Variants in ITSN1 observed in about 807,000 individuals in gnomAD.
ITSN1 encodes the protein intersectin 1.
A neutral mutation model predicts 239.8 loss-of-function variants in ITSN1; 58 were observed. The ratio of observed to expected loss-of-function variants is 0.24; its 90% CI spans 0.20 to 0.30. ITSN1 has a LOEUF of 0.30. Ranked by LOEUF, ITSN1 falls within the 10% of genes least tolerant of loss-of-function variation. The probability of loss-of-function intolerance (pLI) is 1.00; values close to 1 mark genes in which losing one functional copy is unlikely to be tolerated. For synonymous variants in ITSN1, 780 were observed against 770.8 expected (o/e 1.01, Z -0.20); for missense variants, 1,558 against 2,103.3 (o/e 0.74, Z 5.07).
At chr21:33,793,681 T>G (rs2834262) in intron 16 of ITSN1, among the ~76,000 whole-genome samples, 25,556 of 152,238 alleles carry the variant, frequency 0.17, 2,993 homozygotes, top group African/African-American at 0.3. Flanking sequence ...ATCCAAGGTA[T>G]TCATCATCAA....
rs151199077 is a variant in ITSN1, at chr21:33,766,059, A to C, written c.926+47A>C. ...CAGGAATTGTATGCGGAGTATATGAATTCCAAACTTGGCTTTATTGACTAT... is the reference window on the plus strand; with the variant it reads ...CAGGAATTGTATGCGGAGTATATGACTTCCAAACTTGGCTTTATTGACTAT... On this transcript the variant is annotated intron_variant, in intron 10 of 39. Transcript: ENST00000381318. The C allele has an allele frequency of 4.4e-5, 70 of 1,603,480 alleles. 1 individual carries two copies. The African/African-American group carries it at 8.8e-4, about 20-fold the overall frequency.
At chr21:33,817,208 A>T in intron 22 of ITSN1, 1 of 1,285,510 alleles carries the variant, frequency 7.8e-7, no homozygotes, top group Non-Finnish European at 1.0e-6. Context: ...AAAGATAATA[A>T]ATGCCTCACC....
chr21:33,860,695 A>G (rs1241215941), intron 31 of ITSN1, among the ~76,000 whole-genome samples: 1 of 152,188 alleles, frequency 6.6e-6, no homozygotes, highest in Non-Finnish European at 1.5e-5. Flanking sequence ...AAAGTCACAC[A>G]GTAGGGTGGC....
intron 1 of ITSN1, among the ~76,000 whole-genome samples, chr21:33,703,940 T>C (rs544707313): frequency 6.6e-6 from 1 of 152,292 alleles, no homozygotes; most frequent in South Asian, 2.1e-4. Context: ...GGGCTGAGCT[T>C]CCTGCACTCC....
chr21:33,760,273 A>G (rs985155269), intron 8 of ITSN1, among the ~76,000 whole-genome samples: 16 of 152,190 alleles, frequency 1.1e-4, no homozygotes, highest in Admixed American at 6.5e-5. Context: ...CTATTTGGTT[A>G]GAAGTTAGGC....
chr21:33,828,793 T>A (rs1195971571), intron 26 of ITSN1, among the ~76,000 whole-genome samples: 1 of 152,148 alleles, frequency 6.6e-6, no homozygotes, highest in Non-Finnish European at 1.5e-5. Flanking sequence ...AAGGGTTCTG[T>A]CTCTTCATAC....
In ITSN1 at chr21:33,738,774, C is replaced by G. The variant is rs116837704; in HGVS notation, c.346+3570C>G. ...ACTAACTGGGTGACATGACGTGTCA[C>G]TCTTCCATGGTTCCTTGTCTGCATG... On this transcript the variant is annotated intron_variant, in intron 5 of 39. Coordinates refer to ENST00000381318, the MANE Select transcript of ITSN1 (RefSeq NM_003024.3). 3.7e-3 allele frequency among the ~76,000 whole-genome samples: 558 copies of G among 152,156 alleles called. 2 individuals carry two copies. Among genetic ancestry groups the G allele is most frequent in the African/African-American group, 0.013 (529 of 41,530 alleles).
At chr21:33,860,558 TG>T (rs1411324680) in intron 31 of ITSN1, among the ~76,000 whole-genome samples, 1 of 152,124 alleles carries the variant, frequency 6.6e-6, no homozygotes, top group Non-Finnish European at 1.5e-5. Flanking sequence ...TTGAGCTGTG[TG>T]GGGGGCCAGG....
intron 8 of ITSN1, 91 bp from the exon 9 acceptor site, chr21:33,761,832 T>C: frequency 3.4e-6 from 3 of 880,152 alleles, no homozygotes; most frequent in Middle Eastern, 2.2e-4. Context: ...CATGAGGTCA[T>C]GGAGTAGTCC....
Position 33,858,785 on chromosome 21 carries a change from C to T in ITSN1, c.3883C>T (p.Leu1295=). ...WKELIMCNIK[L]LKALRVRKKM... The stretch of plus-strand genomic sequence containing the variant: ...GGAGCTGATTATGTGTAATATCAAA[C>T]TACTAAAGTAAGCCTCTCCTCTAAT... Residue 1295 remains leucine, a synonymous_variant, in exon 31 of 40, where the codon CTA becomes TTA. Coordinates refer to ENST00000381318, the MANE Select transcript of ITSN1 (RefSeq NM_003024.3). 6.2e-7 allele frequency: 1 copy of T among 1,602,786 alleles called. No individual in the cohort carries two copies. The highest frequency in any genetic ancestry group is 8.5e-7 in the Non-Finnish European group (1 of 1,170,102).
At chr21:33,811,334 C>G in intron 21 of ITSN1, 112 bp downstream of exon 21, 1 of 1,080,332 alleles carries the variant, frequency 9.3e-7, no homozygotes, top group East Asian at 2.5e-5. Context: ...TGTGAGGGAG[C>G]TGGCTCATTT....
In ITSN1 at chr21:33,799,782, T is replaced by TC. The variant is rs769604056; in HGVS notation, c.2183-19dup. 2,365 of 1,611,004 alleles carry TC rather than the reference T, an allele frequency of 1.5e-3. 3 individuals are homozygous for TC. The highest frequency in any genetic ancestry group is 1.9e-3 in the Non-Finnish European group (2,181 of 1,178,664). On this transcript the variant is annotated intron_variant, in intron 18 of 39. Transcript: ENST00000381318. ...TGTTCTCTGTAATTATTTATTTTTG[T>TC]CCCCCCCACCTTTTTTTGTAAACAG... is the stretch of plus-strand genomic sequence containing the variant.
At chr21:33,872,035 C>G (rs148255247) in intron 33 of ITSN1, among the ~76,000 whole-genome samples, 150 of 152,164 alleles carry the variant, frequency 9.9e-4, no homozygotes, top group African/African-American at 3.4e-3. Flanking sequence ...AACACTTATG[C>G]GCTAAATGTA....
intron 29 of ITSN1, among the ~76,000 whole-genome samples, chr21:33,850,068 G>C (rs1431956373): frequency 1.3e-5 from 2 of 152,176 alleles, no homozygotes; most frequent in East Asian, 3.9e-4. Flanking sequence ...AGCTATGAAT[G>C]ATACACCCTT....
At chr21:33,766,114 G>T in intron 10 of ITSN1, 102 bp downstream of exon 10, 1 of 1,243,470 alleles carries the variant, frequency 8.0e-7, no homozygotes, top group Non-Finnish European at 1.1e-6. Flanking sequence ...TCCCTGACAA[G>T]GAAACTAAGT....
chr21:33,722,695 A>C, intron 4 of ITSN1, 44 bp downstream of exon 4: 2 of 1,510,774 alleles, frequency 1.3e-6, no homozygotes, highest in Non-Finnish European at 1.8e-6. Context: ...GCATAAGGCA[A>C]AATAAAATAT....
Position 33,656,910 on chromosome 21 carries a change from G to A in ITSN1, c.-33+14197G>A, listed in dbSNP as rs569797193. Among the ~76,000 whole-genome samples the A allele has an allele frequency of 5.9e-5, 9 of 152,130 alleles. No individual in the cohort carries two copies. The South Asian group carries it at 1.7e-3, about 28-fold the overall frequency. On this transcript the variant is annotated intron_variant, in intron 1 of 39. Transcript: ENST00000381318. ...CATTTTTAGCATTTTTAGTAGAGACGGGGTTTTACCATGTTGGCCAGGCTG... is the reference window on the plus strand; with the variant it reads ...CATTTTTAGCATTTTTAGTAGAGACAGGGTTTTACCATGTTGGCCAGGCTG...
chr21:33,721,254 A>G lies in ITSN1; in HGVS notation c.105A>G (p.Ile35Met), dbSNP rs919617743. 4 of 1,605,334 alleles carry G rather than the reference A, an allele frequency of 2.5e-6. No homozygotes were observed. In the African/African-American group the frequency reaches 4.0e-5, roughly 16 times the overall value. The stretch of plus-strand genomic sequence containing the variant: ...AGCAGTTCCATAGTTTAAAGCCAAT[A>G]TCTGGATTCATTACTGGTAATCACA... ...HDQQFHSLKP[I>M]SGFITGDQAR... The change falls in exon 3 of 40, where the codon ATA becomes ATG. Residue 35 changes from isoleucine to methionine, a missense_variant. Ile to Met is a conservative substitution (Grantham distance 10). Transcript: ENST00000381318.
intron 31 of ITSN1, among the ~76,000 whole-genome samples, chr21:33,861,408 G>C (rs533049900): frequency 6.6e-6 from 1 of 152,134 alleles, no homozygotes; most frequent in African/African-American, 2.4e-5. Flanking sequence ...GGTGGGGCAG[G>C]GGGTAGGGCA....
Sources: gnomAD v4.1 joint callset for allele counts (sites outside exome capture counted in the v4.1 genomes callset) on GRCh38, gnomAD v4.1.1 for gene constraint, MANE v1.5 for transcripts, NCBI Gene and HGNC (gene_info 2026-07-23, HGNC 2026-07-21) for gene names.